Variants in CYLC1 observed in about 807,000 individuals in gnomAD.
The protein encoded by CYLC1 is cylicin-1.
A neutral mutation model predicts 31.6 loss-of-function variants in CYLC1; 2 were observed. The ratio of observed to expected loss-of-function variants is 0.06; its 90% CI spans 0.03 to 0.20. The LOEUF is 0.20. Ranked by LOEUF, CYLC1 falls within the 10% of genes least tolerant of loss-of-function variation. The pLI is 1.00. For missense variants in CYLC1, 595 were observed against 424.1 expected (o/e 1.40, Z -3.54); for synonymous variants, 185 against 153.0 (o/e 1.21, Z -1.54).
rs2031701229 is a variant in CYLC1 at position 83,873,296 on chromosome X, A to ATTTT, written c.588_589insTTTT (p.Gln197PhefsTer5). 8.3e-7 allele frequency: 1 copy of ATTTT among 1,200,511 alleles called. No individual in the cohort carries two copies. Among genetic ancestry groups the ATTTT allele is most frequent in the Non-Finnish European group, 1.1e-6 (1 of 891,232 alleles). On this transcript the variant is annotated frameshift_variant, in exon 4 of 5. Transcript: ENST00000329312. LOFTEE classifies it high-confidence loss of function. The stretch of plus-strand genomic sequence containing the variant: ...CTAAGACAGTCTCAAAAAATTGTTC[A>ATTTT]CAAAAAGATAAGAAAGATTCAAAGA...
chrX:83,877,128 T>C (rs1467850416), intron 4 of CYLC1, among the ~76,000 whole-genome samples: 1 of 111,334 alleles, frequency 9.0e-6, no homozygotes, highest in Non-Finnish European at 1.9e-5. Flanking sequence ...TTGATTTTTT[T>C]AAGCCTGGAC....
intron 1 of CYLC1, among the ~76,000 whole-genome samples, chrX:83,869,568 A>G (rs1375465719): frequency 1.8e-5 from 2 of 111,038 alleles, no homozygotes; most frequent in East Asian, 2.8e-4. Flanking sequence ...TTATGGCTGC[A>G]TAGTACTCCA....
chrX:83,885,672 T>C lies in CYLC1; in HGVS notation c.1924-880T>C, dbSNP rs572223001. 2.8e-5 allele frequency among the ~76,000 whole-genome samples: 3 copies of C among 108,277 alleles called. No individual in the cohort carries two copies. The South Asian group carries it at 1.2e-3, about 43-fold the overall frequency. 94.0% of individuals were successfully genotyped at this position (108,277 alleles called of 115,157 possible). On this transcript the variant is annotated intron_variant, in intron 4 of 4. Coordinates refer to ENST00000329312, the MANE Select transcript of CYLC1 (RefSeq NM_021118.3). ...CCTATATGGGAATATGTAGGAAGAGTCATAAATGATAAAATAATATTTGAC... is the reference window on the plus strand; with the variant it reads ...CCTATATGGGAATATGTAGGAAGAGCCATAAATGATAAAATAATATTTGAC...
intron 1 of CYLC1, among the ~76,000 whole-genome samples, chrX:83,863,133 T>G (rs1488504740): frequency 3.6e-5 from 4 of 111,997 alleles, no homozygotes; most frequent in African/African-American, 1.3e-4. Flanking sequence ...TAATTCCTAG[T>G]AATTTTACTA....
intron 4 of CYLC1, among the ~76,000 whole-genome samples, chrX:83,884,127 T>C (rs1188866624): frequency 9.0e-6 from 1 of 111,276 alleles, no homozygotes; most frequent in Admixed American, 9.6e-5. Flanking sequence ...AAGTGGATGG[T>C]GGGAGAAAGA....
chrX:83,864,513 C>A (rs942338113), intron 1 of CYLC1, among the ~76,000 whole-genome samples: 1 of 110,896 alleles, frequency 9.0e-6, no homozygotes, highest in African/African-American at 3.3e-5. Flanking sequence ...AATAATTATT[C>A]ATATTATCTC....
At chrX:83,879,107 A>G (rs1296590777) in intron 4 of CYLC1, among the ~76,000 whole-genome samples, 2 of 110,881 alleles carry the variant, frequency 1.8e-5, no homozygotes, top group Non-Finnish European at 3.8e-5. Context: ...GTAGAAAAGT[A>G]GGGTGTTATG....
At chrX:83,875,869 C>T (rs1320368199) in intron 4 of CYLC1, among the ~76,000 whole-genome samples, 1 of 110,582 alleles carries the variant, frequency 9.0e-6, no homozygotes, top group Non-Finnish European at 1.9e-5. Flanking sequence ...TTCTAAGCAT[C>T]GTAGGACTGC....
At chrX:83,863,891 G>A (rs1024998127) in intron 1 of CYLC1, among the ~76,000 whole-genome samples, 1 of 111,394 alleles carries the variant, frequency 9.0e-6, no homozygotes, top group African/African-American at 3.3e-5. Flanking sequence ...TGGAGACTAC[G>A]AGTCCAAGAT....
rs918564628 is a variant in CYLC1 at position 83,874,335 on chromosome X, A to C, written c.1627A>C (p.Thr543Pro). Residue 543 changes from threonine (T) to proline (P), a missense_variant, in exon 4 of 5, where the codon ACT becomes CCT. Transcript: ENST00000329312. ...ATCTACAAAAATCAAAGGTTCAGAT[A>C]CTGAATCTGAAGAGTCACTATATAA... ...KTSTKIKGSD[T>P]ESEESLYKPG... The C allele has an allele frequency of 8.3e-7, 1 of 1,208,656 alleles. No homozygotes were observed. Among genetic ancestry groups the C allele is most frequent in the Admixed American group, 2.2e-5 (1 of 45,789 alleles).
At chrX:83,879,426 AG>A (rs754043752) in intron 4 of CYLC1, among the ~76,000 whole-genome samples, 156 of 111,675 alleles carry the variant, frequency 1.4e-3, no homozygotes, top group African/African-American at 4.9e-3. Flanking sequence ...CATGCAGTAA[AG>A]TACAACTTAT....
intron 4 of CYLC1, 117 bp downstream of exon 4, chrX:83,874,748 C>A: frequency 1.2e-6 from 1 of 800,086 alleles, no homozygotes. Context: ...ATATTGACAA[C>A]TTTGTGACTC....
In CYLC1 at chrX:83,870,171, C is replaced by G. The variant is rs941247213; in HGVS notation, c.58+266C>G. On this transcript the variant is annotated intron_variant, in intron 2 of 4. Transcript: ENST00000329312. ...GTTTGTTCTCCTTCATAATACAAAC[C>G]AATTTTACTTGTATAAGATTCCCTT... Among the ~76,000 whole-genome samples the G allele has an allele frequency of 2.7e-5, 3 of 111,307 alleles. No homozygotes were observed. The South Asian group carries it at 1.1e-3, about 41-fold the overall frequency.
intron 4 of CYLC1, among the ~76,000 whole-genome samples, chrX:83,877,936 A>T (rs1453823810): frequency 6.3e-5 from 5 of 79,961 alleles, no homozygotes; most frequent in Non-Finnish European, 4.6e-5. Context: ...AAATATAAAT[A>T]TATATATTTG....
At chrX:83,878,960 C>T (rs1246694014) in intron 4 of CYLC1, among the ~76,000 whole-genome samples, 1 of 107,675 alleles carries the variant, frequency 9.3e-6, no homozygotes, top group Admixed American at 1.0e-4. Context: ...GTAAGAACCA[C>T]ATAAGCAGTG....
Position 83,872,879 on chromosome X carries a change from T to C in CYLC1, c.178-7T>C. On this transcript the variant is annotated splice_polypyrimidine_tract_variant and splice_region_variant and intron_variant, in intron 3 of 4. Transcript: ENST00000329312. ...CAAATGCTTATTATTCTAACCAATCTTTTCAGAGACATGACAAAAGAAAAC... is the reference window on the plus strand; with the variant it reads ...CAAATGCTTATTATTCTAACCAATCCTTTCAGAGACATGACAAAAGAAAAC... The C allele has an allele frequency of 9.0e-7, 1 of 1,117,174 alleles. No individual in the cohort carries two copies. The highest frequency in any genetic ancestry group is 1.2e-6 in the Non-Finnish European group (1 of 841,426). 92.1% of individuals were successfully genotyped at this position (1,117,174 alleles called of 1,213,427 possible). A position where few individuals can be genotyped will look rare whatever the true frequency, so the allele number is the denominator to read the frequency against.
intron 4 of CYLC1, among the ~76,000 whole-genome samples, chrX:83,879,373 G>T (rs918890539): frequency 9.0e-6 from 1 of 110,625 alleles, no homozygotes; most frequent in Non-Finnish European, 1.9e-5. Context: ...GAGAGAGGGA[G>T]AGAGAATTAC....
At chrX:83,862,395 C>T (rs1278541756) in intron 1 of CYLC1, among the ~76,000 whole-genome samples, 68 of 99,318 alleles carry the variant, frequency 6.8e-4, no homozygotes, top group South Asian at 2.4e-3. Flanking sequence ...AAAAAAAAAT[C>T]AGCCGGGCGT....
intron 4 of CYLC1, among the ~76,000 whole-genome samples, chrX:83,876,372 A>G (rs1224774852): frequency 9.0e-6 from 1 of 111,218 alleles, no homozygotes; most frequent in African/African-American, 3.3e-5. Flanking sequence ...AATTTTTAAG[A>G]TAAGTAAGAA....
Sources: allele counts gnomAD v4.1 joint callset (sites outside exome capture counted in the v4.1 genomes callset), GRCh38; gene constraint gnomAD v4.1.1; transcripts MANE v1.5; gene names NCBI Gene and HGNC (gene_info 2026-07-23, HGNC 2026-07-21).